UGT2A1: variants seen among roughly 807,000 people sequenced by gnomAD.
UGT2A1 encodes the protein UDP glucuronosyltransferase family 2 member A1 complex locus.
Under a neutral mutation model 45.4 loss-of-function variants are expected in UGT2A1, and 61 were observed. That is an observed-to-expected ratio of 1.34 (90% CI 1.09 to 1.66). The LOEUF (loss-of-function observed/expected upper bound fraction) is 1.66. Ranked by LOEUF, UGT2A1 falls within the 40% of genes most tolerant of loss-of-function variation. The pLI is 0.00. For synonymous variants in UGT2A1, 229 were observed against 196.2 expected (o/e 1.17, Z -1.40); for missense variants, 649 against 574.3 (o/e 1.13, Z -1.33).
At chr4:69,607,977 G>C (rs1719763437) in intron 3 of UGT2A1, among the ~76,000 whole-genome samples, 1 of 152,182 alleles carries the variant, frequency 6.6e-6, no homozygotes, top group African/African-American at 2.4e-5. Context: ...TGGTGGGACT[G>C]TAAACTAGTT....
At chr4:69,622,699 T>G (rs1242710721) in intron 3 of UGT2A1, among the ~76,000 whole-genome samples, 1 of 151,758 alleles carries the variant, frequency 6.6e-6, no homozygotes, top group Non-Finnish European at 1.5e-5. Context: ...TGAACTTCAA[T>G]TCTATACTTG....
intron 3 of UGT2A1, among the ~76,000 whole-genome samples, chr4:69,616,791 A>G (rs1286583160): frequency 1.3e-5 from 2 of 151,432 alleles, no homozygotes; most frequent in Non-Finnish European, 2.9e-5. Flanking sequence ...ATAAAAATCA[A>G]AAGCTAATGA....
intron 3 of UGT2A1, among the ~76,000 whole-genome samples, chr4:69,625,676 G>A (rs1349227407): frequency 6.6e-6 from 1 of 150,394 alleles, no homozygotes; most frequent in African/African-American, 2.4e-5. Flanking sequence ...CCCTATTTTT[G>A]TTTTTAGGTC....
intron 3 of UGT2A1, among the ~76,000 whole-genome samples, chr4:69,607,183 A>ACTAACCAAATCAGCATG (rs1390324533): frequency 7.4e-6 from 1 of 135,074 alleles, no homozygotes; most frequent in Non-Finnish European, 1.6e-5. Context: ...GCAAGGCTAC[A>ACTAACCAAATCAGCATG]GTAACCAAAA....
In UGT2A1 at chr4:69,599,678, A is replaced by G. The variant is rs1477968565; in HGVS notation, c.848-284T>C. 5 of 300,286 alleles carry G rather than the reference A, an allele frequency of 1.7e-5. No individual in the cohort carries two copies. The Admixed American group carries it at 2.1e-4, about 13-fold the overall frequency. The allele number at this position is 300,286 out of a possible 1,614,324, so 18.6% of individuals were successfully genotyped here. A position where few individuals can be genotyped will look rare whatever the true frequency, so the allele number is the denominator to read the frequency against. On this transcript the variant is annotated intron_variant, in intron 3 of 6. Transcript: ENST00000286604. ...AGGAAAAGTGAGAAAAAGGGAAGAAAGAGGTAGAAATAAAGAAAGAGAGAG... is the reference window on the plus strand; with the variant it reads ...AGGAAAAGTGAGAAAAAGGGAAGAAGGAGGTAGAAATAAAGAAAGAGAGAG...
rs942901708 is a variant in UGT2A1 at position 69,605,192 on chromosome 4, G to A, written c.848-5798C>T. 5.1e-5 allele frequency among the ~76,000 whole-genome samples: 7 copies of A among 136,792 alleles called. 1 individual carries two copies. Among genetic ancestry groups the A allele is most frequent in the Non-Finnish European group, 9.3e-5 (6 of 64,360 alleles). 89.7% of individuals were successfully genotyped at this position (136,792 alleles called of 152,430 possible). A position where few individuals can be genotyped will look rare whatever the true frequency, so the allele number is the denominator to read the frequency against. Reference sequence around the variant, plus strand: ...GGAAGTAAAGCACTCCTCAGCAAATGTAAAAGAACAGAAATTATAACAAAC... The same window carrying A: ...GGAAGTAAAGCACTCCTCAGCAAATATAAAAGAACAGAAATTATAACAAAC... On this transcript the variant is annotated intron_variant, in intron 3 of 6. Coordinates refer to ENST00000286604, the MANE Select transcript of UGT2A1 (RefSeq NM_001252275.3).
rs185812401 is a variant in UGT2A1 at position 69,588,561 on chromosome 4, T to A, written c.*811A>T. ...AATTATTTGTACAGTTGACTAAAAA[T>A]TTTATAAAAATGATAATTATTTTCT... On this transcript the variant is annotated 3_prime_UTR_variant, in exon 7 of 7. Transcript: ENST00000286604. 2.6e-3 allele frequency: 392 copies of A among 152,230 alleles called. 2 individuals are homozygous for A. The highest frequency in any genetic ancestry group is 9.1e-3 in the African/African-American group (377 of 41,570). The allele number at this position is 152,230 out of a possible 1,614,324, so 9.4% of individuals were successfully genotyped here. A position where few individuals can be genotyped will look rare whatever the true frequency, so the allele number is the denominator to read the frequency against.
intron 3 of UGT2A1, among the ~76,000 whole-genome samples, chr4:69,603,938 T>C (rs1719452072): frequency 7.3e-6 from 1 of 136,544 alleles, no homozygotes; most frequent in Non-Finnish European, 1.6e-5. Context: ...AATCTACGTC[T>C]GATTGGTGTA....
At chr4:69,590,355 A>T (rs746174643) in intron 6 of UGT2A1, among the ~76,000 whole-genome samples, 1 of 152,234 alleles carries the variant, frequency 6.6e-6, no homozygotes, top group Non-Finnish European at 1.5e-5. Flanking sequence ...ATGGCTTCTC[A>T]AACAATATTG....
intron 2 of UGT2A1, 84 bp downstream of exon 2, chr4:69,646,846 A>G: frequency 1.0e-6 from 1 of 953,596 alleles, no homozygotes. Flanking sequence ...ATTAAAAAAG[A>G]ATAGACATAG....
intron 2 of UGT2A1, among the ~76,000 whole-genome samples, chr4:69,643,571 T>A (rs1388022437): frequency 6.6e-6 from 1 of 151,588 alleles, no homozygotes; most frequent in Non-Finnish European, 1.5e-5. Flanking sequence ...AGGAAGATAT[T>A]AATATATACT....
intron 3 of UGT2A1, among the ~76,000 whole-genome samples, chr4:69,604,848 A>T (rs1227232023): frequency 1.5e-5 from 2 of 137,100 alleles, no homozygotes; most frequent in South Asian, 2.4e-4. Flanking sequence ...TGGTAAAAGG[A>T]TCAATTCAAC....
At chr4:69,646,606 T>A (rs973086755) in intron 2 of UGT2A1, among the ~76,000 whole-genome samples, 61 of 151,890 alleles carry the variant, frequency 4.0e-4, no homozygotes, top group African/African-American at 1.4e-3. Flanking sequence ...TCTCCACACA[T>A]CACTGCAGTT....
At chr4:69,629,122 C>G (rs1721248906) in intron 3 of UGT2A1, among the ~76,000 whole-genome samples, 1 of 151,834 alleles carries the variant, frequency 6.6e-6, no homozygotes, top group Admixed American at 6.6e-5. Flanking sequence ...TTTTAACCAC[C>G]TTCACTTGAA....
chr4:69,610,048 G>T (rs1719940141), intron 3 of UGT2A1, among the ~76,000 whole-genome samples: 1 of 152,158 alleles, frequency 6.6e-6, no homozygotes, highest in African/African-American at 2.4e-5. Context: ...GTTAAAACCA[G>T]TCAGGCTTCT....
At chr4:69,645,949 TCA>T (rs986575776) in intron 2 of UGT2A1, among the ~76,000 whole-genome samples, 19 of 151,814 alleles carry the variant, frequency 1.3e-4, no homozygotes, top group Non-Finnish European at 2.7e-4. Context: ...GCAGAAAAAC[TCA>T]CATTCAGTAT....
chr4:69,634,266 AAAAC>A (rs1426289435), intron 3 of UGT2A1, among the ~76,000 whole-genome samples: 3 of 149,378 alleles, frequency 2.0e-5, no homozygotes, highest in Non-Finnish European at 3.0e-5. Context: ...AAAACAAAAC[AAAAC>A]AAAACAACAA....
rs188486348 is a variant in UGT2A1, at chr4:69,605,370, T to C, written c.848-5976A>G. Among the ~76,000 whole-genome samples, 600 of 136,250 alleles carry C rather than the reference T, an allele frequency of 4.4e-3. 97 individuals are homozygous for C. The highest frequency in any genetic ancestry group is 6.4e-3 in the Non-Finnish European group (407 of 64,016). The allele number at this position is 136,250 out of a possible 152,430, so 89.4% of individuals were successfully genotyped here. On this transcript the variant is annotated intron_variant, in intron 3 of 6. Coordinates refer to ENST00000286604, the MANE Select transcript of UGT2A1 (RefSeq NM_001252275.3). ...CAGAAATAAAGATGTTCTTTGAAAC[T>C]AACGACAACAAAGACACAACATACC... is the stretch of plus-strand genomic sequence containing the variant.
chr4:69,621,572 C>G (rs745907362), intron 3 of UGT2A1, among the ~76,000 whole-genome samples: 1 of 151,672 alleles, frequency 6.6e-6, no homozygotes, highest in Non-Finnish European at 1.5e-5. Context: ...ATTAGTTCAC[C>G]CATTGTGGAA....
Sources: gnomAD v4.1 joint callset for allele counts (sites outside exome capture counted in the v4.1 genomes callset) on GRCh38, gnomAD v4.1.1 for gene constraint, MANE v1.5 for transcripts, NCBI Gene and HGNC (gene_info 2026-07-23, HGNC 2026-07-21) for gene names.